RBFOX1: variants seen among roughly 807,000 people sequenced by gnomAD.
The protein encoded by RBFOX1 is RNA binding protein fox-1 homolog 1.
A neutral mutation model predicts 57.7 loss-of-function variants in RBFOX1; 8 were observed. The ratio of observed to expected loss-of-function variants is 0.14; its 90% CI spans 0.08 to 0.25. RBFOX1 has a LOEUF of 0.25. Among genes scored for constraint, RBFOX1 ranks in the 10% least tolerant of loss-of-function variants. The pLI, the probability that RBFOX1 is intolerant of heterozygous loss-of-function variation, is 1.00. For missense variants in RBFOX1, 611 were observed against 548.5 expected, an observed-to-expected ratio of 1.11 and a Z score of -1.14; for synonymous variants, 326 against 222.4, an observed-to-expected ratio of 1.47 and a Z score of -4.15.
intron 2 of RBFOX1, among the ~76,000 whole-genome samples, chr16:6,553,635 G>A (rs543452358): frequency 6.6e-6 from 1 of 152,100 alleles, no homozygotes; most frequent in South Asian, 2.1e-4. Flanking sequence ...GGGGATGGAC[G>A]ATCTCTCTCA....
chr16:7,499,548 G>C (rs2069934374), intron 4 of RBFOX1, among the ~76,000 whole-genome samples: 1 of 152,080 alleles, frequency 6.6e-6, no homozygotes, highest in Non-Finnish European at 1.5e-5. Flanking sequence ...TAAAAATTGA[G>C]TATAAAGATA....
chr16:6,991,521 C>T (rs1596318971), intron 3 of RBFOX1, among the ~76,000 whole-genome samples: 1 of 152,134 alleles, frequency 6.6e-6, no homozygotes, highest in African/African-American at 2.4e-5. Context: ...CAACCCACTT[C>T]TCAAATGTTT....
At chr16:6,512,775 G>A (rs1204827427) in intron 2 of RBFOX1, among the ~76,000 whole-genome samples, 1 of 152,206 alleles carries the variant, frequency 6.6e-6, no homozygotes, top group Non-Finnish European at 1.5e-5. Context: ...GCAGGAGCAA[G>A]AGGATGGAGT....
chr16:6,270,646 A>G (rs372183087), intron 1 of RBFOX1, among the ~76,000 whole-genome samples: 99 of 152,292 alleles, frequency 6.5e-4, no homozygotes, highest in African/African-American at 2.3e-3. Flanking sequence ...TCAGAGGCTA[A>G]ACACTATTAG....
chr16:6,713,395 C>T (rs904326408), intron 3 of RBFOX1, among the ~76,000 whole-genome samples: 2 of 152,076 alleles, frequency 1.3e-5, no homozygotes, highest in African/African-American at 4.8e-5. Context: ...TCTGTTTAAG[C>T]TCTAATCTCC....
chr16:6,756,737 T>C (rs12919943), intron 3 of RBFOX1, among the ~76,000 whole-genome samples: 27,120 of 151,966 alleles, frequency 0.18, 2,413 homozygotes, highest in African/African-American at 0.19. Flanking sequence ...TTTGGGAGGC[T>C]GAGGCAGGGG....
chr16:7,444,066 G>T (rs2098790490), intron 4 of RBFOX1, among the ~76,000 whole-genome samples: 1 of 152,170 alleles, frequency 6.6e-6, no homozygotes. Context: ...ATACATGGAA[G>T]TTAAACAAGA....
At chr16:7,408,185 C>T (rs185308057) in intron 4 of RBFOX1, among the ~76,000 whole-genome samples, 7 of 152,230 alleles carry the variant, frequency 4.6e-5, no homozygotes, top group East Asian at 1.9e-4. Context: ...TCCTATTGAA[C>T]GTCTTACTGC....
intron 1 of RBFOX1, among the ~76,000 whole-genome samples, chr16:5,264,937 C>T (rs1279723971): frequency 1.3e-5 from 2 of 151,940 alleles, no homozygotes; most frequent in Admixed American, 6.6e-5. Flanking sequence ...TTGAAGTTAC[C>T]AAGATTTAGG....
chr16:6,407,513 AAGAG>A (rs1006193166), intron 2 of RBFOX1, among the ~76,000 whole-genome samples: 2 of 148,934 alleles, frequency 1.3e-5, no homozygotes, highest in Admixed American at 1.3e-4. Context: ...GACAGAGAGA[AAGAG>A]AGGAGAAAGA....
chr16:5,524,346 A>G (rs1275582869), intron 2 of RBFOX1, among the ~76,000 whole-genome samples: 1 of 152,182 alleles, frequency 6.6e-6, no homozygotes, highest in Non-Finnish European at 1.5e-5. Context: ...TGGGTTAAGC[A>G]TTGCCTTCGA....
intron 1 of RBFOX1, among the ~76,000 whole-genome samples, chr16:5,358,367 TA>T (rs901772770): frequency 5.6e-4 from 84 of 149,308 alleles, no homozygotes; most frequent in African/African-American, 2.0e-3. Flanking sequence ...TCTGAGGTAT[TA>T]GGGGTTAAGA....
intron 3 of RBFOX1, among the ~76,000 whole-genome samples, chr16:7,011,414 C>T (rs1373133234): frequency 6.6e-6 from 1 of 152,080 alleles, no homozygotes; most frequent in Non-Finnish European, 1.5e-5. Context: ...CTGTTTGTTG[C>T]TATGTGTTTT....
At chr16:5,992,242 C>T (rs912022012) in intron 4 of RBFOX1, among the ~76,000 whole-genome samples, 5 of 152,006 alleles carry the variant, frequency 3.3e-5, no homozygotes, top group Non-Finnish European at 7.4e-5. Context: ...TTTTCAAGTT[C>T]TTTAGAAGAT....
chr16:6,808,160 A>ATGTGTGTGTGTGTGTGTGTGTGTG (rs373756020), intron 3 of RBFOX1, among the ~76,000 whole-genome samples: 3 of 140,098 alleles, frequency 2.1e-5, no homozygotes, highest in Admixed American at 7.4e-5. Context: ...TACCTTATAT[A>ATGTGTGTGTGTGTGTGTGTGTGTG]TGTGTGTGTG....
chr16:6,375,276 TG>T (rs1168712431), intron 2 of RBFOX1, among the ~76,000 whole-genome samples: 3 of 150,970 alleles, frequency 2.0e-5, no homozygotes, highest in Non-Finnish European at 4.4e-5. Flanking sequence ...GCCCTTGTTT[TG>T]CCAGAGTGGG....
chr16:5,623,012 A>G (rs566177857), intron 3 of RBFOX1, among the ~76,000 whole-genome samples: 1 of 152,306 alleles, frequency 6.6e-6, no homozygotes, highest in South Asian at 2.1e-4. Context: ...TGCAAATACT[A>G]TGCCGCTTTG....
intron 4 of RBFOX1, among the ~76,000 whole-genome samples, chr16:7,306,562 T>C (rs548187493): frequency 1.2e-4 from 16 of 138,328 alleles, no homozygotes; most frequent in Admixed American, 3.1e-4. Context: ...TACTATGACA[T>C]AATGTGGGAA....
chr16:5,929,242 C>G (rs1396573192), intron 4 of RBFOX1, among the ~76,000 whole-genome samples: 6 of 152,080 alleles, frequency 3.9e-5, no homozygotes, highest in African/African-American at 1.2e-4. Context: ...TCTAAGGGGT[C>G]TCTGAGGTTG....
Sources: gnomAD v4.1 joint callset for allele counts (sites outside exome capture counted in the v4.1 genomes callset) on GRCh38, gnomAD v4.1.1 for gene constraint, MANE v1.5 for transcripts, NCBI Gene and HGNC (gene_info 2026-07-23, HGNC 2026-07-21) for gene names.